The following CTSA variants were observed in gnomAD, a reference collection of about 807,000 sequenced individuals.
CTSA encodes the protein cathepsin A.
Under a neutral mutation model 66.7 loss-of-function variants are expected in CTSA, and 42 were observed. The ratio of observed to expected loss-of-function variants is 0.63; its 90% confidence interval spans 0.49 to 0.81. The LOEUF (loss-of-function observed/expected upper bound fraction) is 0.81. Ranked by LOEUF, CTSA falls within the 40% of genes least tolerant of loss-of-function variation. The pLI is 0.00. For missense variants in CTSA, 525 were observed against 610.9 expected (o/e 0.86, Z 1.48); for synonymous variants, 225 against 248.6 (o/e 0.91, Z 0.89).
chr20:45,893,253 G>A lies in CTSA; in HGVS notation c.634G>A (p.Glu212Lys). The change falls in exon 7 of 15, where the codon GAG becomes AAG. Residue 212 changes from glutamate (E) to lysine (K), a missense_variant. By Grantham distance (56) the Glu-to-Lys change is moderately conservative (BLOSUM62 1). Around this residue, in one of 3 missense-constraint regions of CTSA, gnomAD observed 246 missense variants for 267.4 expected, o/e 0.92. Transcript: ENST00000646241. Reference protein sequence around the residue: ...LAVGNGLSSYEQNDNSLVYFA... With the variant: ...LAVGNGLSSYKQNDNSLVYFA... ...TGTGGGCAATGGACTCTCCTCCTATGAGCAGAATGACAACTCCCTGGTCTA... is the reference window on the plus strand; with the variant it reads ...TGTGGGCAATGGACTCTCCTCCTATAAGCAGAATGACAACTCCCTGGTCTA... The A allele has an allele frequency of 6.2e-7, 1 of 1,614,148 alleles. No homozygotes were observed. Among genetic ancestry groups the A allele is most frequent in the South Asian group, 1.1e-5 (1 of 91,078 alleles).
rs989584126 is a variant in CTSA, at chr20:45,891,737, T to G, written c.169T>G (p.Ser57Ala). ...CCAGTACTCCGGCTACCTCAAAGGC[T>G]CCGGCTCCAAGCACCTCCACTACTG... ...FRQYSGYLKG[S>A]GSKHLHYWFV... The change falls in exon 2 of 15, where the codon TCC (serine) becomes GCC (alanine). Residue 57 changes from serine to alanine, a missense_variant. Physicochemically the swap from Ser to Ala is moderately conservative, Grantham distance 99. Transcript: ENST00000646241. The surrounding 1 kb of genome is among the most constrained non-coding windows in gnomAD (Gnocchi z 4.6). 2 of 1,613,592 alleles carry G rather than the reference T, an allele frequency of 1.2e-6. No homozygotes were observed. Among genetic ancestry groups the G allele is most frequent in the Admixed American group, 1.7e-5 (1 of 60,004 alleles).
At chr20:45,894,626 T>C in intron 8 of CTSA, 24 bp from the exon 9 acceptor site, 1 of 1,605,108 alleles carries the variant, frequency 6.2e-7, no homozygotes, top group South Asian at 1.1e-5. Context: ...CTGTAAAGCA[T>C]GGTGGCTTGG....
rs79143634 is a variant in CTSA, at chr20:45,898,192, T to C, written c.1359+83T>C. ...CCGTCCTTTCCCTCTGGCTGCCTTT[T>C]AGGCTGGGTCATGGGTCACCATCTG... On this transcript the variant is annotated intron_variant, in intron 14 of 14. Transcript: ENST00000646241. The surrounding 1 kb of genome is among the most constrained non-coding windows in gnomAD (Gnocchi z 4.6). 3.6e-5 allele frequency: 54 copies of C among 1,485,386 alleles called. No homozygotes were observed. In the East Asian group the frequency reaches 1.2e-3, roughly 34 times the overall value. The allele number at this position is 1,485,386 out of a possible 1,614,324, so 92.0% of individuals were successfully genotyped here.
rs778826317 is a variant in CTSA at position 45,898,110 on chromosome 20, G to A, written c.1359+1G>A. The A allele has an allele frequency of 6.2e-7, 1 of 1,613,598 alleles. No individual in the cohort carries two copies. The highest frequency in any genetic ancestry group is 1.1e-5 in the South Asian group (1 of 91,074). On this transcript the variant is annotated splice_donor_variant, in intron 14 of 14. Transcript: ENST00000646241. LOFTEE classifies it high-confidence loss of function. This position sits in a 1 kb window ranked among gnomAD's most constrained non-coding sequence, Gnocchi z 4.6. ...CCACATCGCCTTTCTCACGATCAAG[G>A]TAGGGACTGGGCCTGCTGAGAGATA...
At chr20:45,895,240 G>A in intron 11 of CTSA, 107 bp downstream of exon 11, 1 of 1,320,362 alleles carries the variant, frequency 7.6e-7, no homozygotes, top group Non-Finnish European at 1.1e-6. Context: ...AATGAGATGA[G>A]CTGTAGAGGA....
intron 5 of CTSA, 78 bp from the exon 6 acceptor site, chr20:45,892,647 T>A: frequency 6.3e-7 from 1 of 1,590,834 alleles, no homozygotes; most frequent in Non-Finnish European, 8.6e-7. Context: ...GGTGGGTTAA[T>A]GTCATTATCT....
chr20:45,891,759 A>G lies in CTSA; in HGVS notation c.191A>G (p.Tyr64Cys), dbSNP rs201198067. Residue 64 changes from tyrosine (Y) to cysteine (C), a missense_variant, in exon 2 of 15, where the codon TAC (tyrosine) becomes TGC (cysteine). Around this residue, in one of 3 missense-constraint regions of CTSA, gnomAD observed 246 missense variants for 267.4 expected, o/e 0.92. Transcript: ENST00000646241. This position sits in a 1 kb window ranked among gnomAD's most constrained non-coding sequence, Gnocchi z 4.6. ...LKGSGSKHLH[Y>C]WFVESQKDPE... ...GGCTCCGGCTCCAAGCACCTCCACT[A>G]CTGGTCTGCCGCCCTGCCTTCTGGG... The G allele has an allele frequency of 1.2e-5, 20 of 1,613,512 alleles. No homozygotes were observed. The highest frequency in any genetic ancestry group is 1.7e-6 in the Non-Finnish European group (2 of 1,179,984).
chr20:45,896,403 C>T (rs1216314452), intron 11 of CTSA: 5 of 198,028 alleles, frequency 2.5e-5, no homozygotes, highest in African/African-American at 7.1e-5. Flanking sequence ...TCCCAGTCCT[C>T]GTAACAACCA....
At position 45,892,729 on chromosome 20, in the gene CTSA, C is replaced by T; in HGVS notation, c.449C>T (p.Ala150Val). 6.2e-7 allele frequency: 1 copy of T among 1,614,206 alleles called. No individual in the cohort carries two copies. Among genetic ancestry groups the T allele is most frequent in the Non-Finnish European group, 8.5e-7 (1 of 1,180,034 alleles). ...GTCTTGCTCTGCCATCCCCAGGTCG[C>T]CCAGAGCAATTTTGAGGCCCTTCAA... ...KFYATNDTEV[A>V]QSNFEALQDF... Residue 150 changes from alanine (A) to valine (V), a missense_variant, in exon 6 of 15, where the codon GCC becomes GTC. By Grantham distance (64) the Ala-to-Val change is moderately conservative. Coordinates refer to ENST00000646241, the MANE Select transcript of CTSA (RefSeq NM_000308.4).
At position 45,898,205 on chromosome 20, in the gene CTSA, G is replaced by A; in HGVS notation, c.1359+96G>A. ...CTGGCTGCCTTTTAGGCTGGGTCAT[G>A]GGTCACCATCTGGCCCCTGTATGGG... On this transcript the variant is annotated intron_variant, in intron 14 of 14. Coordinates refer to ENST00000646241, the MANE Select transcript of CTSA (RefSeq NM_000308.4). This position sits in a 1 kb window ranked among gnomAD's most constrained non-coding sequence, Gnocchi z 4.6. 7.0e-7 allele frequency: 1 copy of A among 1,427,882 alleles called. No homozygotes were observed. The highest frequency in any genetic ancestry group is 2.4e-5 in the East Asian group (1 of 42,154). The allele number at this position is 1,427,882 out of a possible 1,614,324, so 88.5% of individuals were successfully genotyped here. A position where few individuals can be genotyped will look rare whatever the true frequency, so the allele number is the denominator to read the frequency against.
At position 45,898,168 on chromosome 20, in the gene CTSA, C is replaced by G; in HGVS notation, c.1359+59C>G. 1 of 1,548,640 alleles carries G rather than the reference C, an allele frequency of 6.5e-7. No homozygotes were observed. Among genetic ancestry groups the G allele is most frequent in the Non-Finnish European group, 8.9e-7 (1 of 1,123,194 alleles). On this transcript the variant is annotated intron_variant, in intron 14 of 14. Coordinates refer to ENST00000646241, the MANE Select transcript of CTSA (RefSeq NM_000308.4). The surrounding 1 kb of genome is among the most constrained non-coding windows in gnomAD (Gnocchi z 4.6). ...CGGAGGCAAAGGAGCAGGACCCACC[C>G]GTCCTTTCCCTCTGGCTGCCTTTTA... is the stretch of plus-strand genomic sequence containing the variant.
At chr20:45,892,204 CT>C in intron 3 of CTSA, 68 bp from the exon 4 acceptor site, 1 of 1,554,252 alleles carries the variant, frequency 6.4e-7, no homozygotes, top group South Asian at 1.1e-5. Context: ...TAAAGTGCCT[CT>C]CATGGTGGCC....
At position 45,894,063 on chromosome 20, in the gene CTSA, C is replaced by T. The variant is rs767712946; in HGVS notation, c.768C>T (p.Cys256=). 16 of 1,607,800 alleles carry T rather than the reference C, an allele frequency of 1.0e-5. No individual in the cohort carries two copies. The highest frequency in any genetic ancestry group is 9.4e-5 in the African/African-American group (7 of 74,838). ...TCTATGACAACAAAGACCTGGAATG[C>T]GTGACCAATGTGAGGTTCTGCCATC... ...CNFYDNKDLE[C]VTNLQEVARI... Residue 256 remains cysteine, a synonymous_variant, in exon 8 of 15, where the codon TGC becomes TGT. Transcript: ENST00000646241.
In CTSA at chr20:45,898,215, C is replaced by T; in HGVS notation, c.1359+106C>T. 2.2e-6 allele frequency: 3 copies of T among 1,382,354 alleles called. No homozygotes were observed. The highest frequency in any genetic ancestry group is 2.0e-6 in the Non-Finnish European group (2 of 985,370). The allele number at this position is 1,382,354 out of a possible 1,614,324, so 85.6% of individuals were successfully genotyped here. A position where few individuals can be genotyped will look rare whatever the true frequency, so the allele number is the denominator to read the frequency against. ...TTTAGGCTGGGTCATGGGTCACCAT[C>T]TGGCCCCTGTATGGGCAAGTTTTTT... On this transcript the variant is annotated intron_variant, in intron 14 of 14. Transcript: ENST00000646241. This position sits in a 1 kb window ranked among gnomAD's most constrained non-coding sequence, Gnocchi z 4.6.
chr20:45,894,393 C>T (rs148928319), intron 8 of CTSA: 427 of 613,756 alleles, frequency 7.0e-4, no homozygotes, highest in African/African-American at 6.9e-3. Flanking sequence ...ATCATACTAC[C>T]CACATTTTCC....
chr20:45,892,087 G>A (rs2145814521), intron 3 of CTSA, 60 bp downstream of exon 3: 7 of 1,534,830 alleles, frequency 4.6e-6, no homozygotes, highest in South Asian at 2.2e-5. Context: ...GAAAGCGAGA[G>A]AGGGGCTTTG....
chr20:45,891,950 C>G lies in CTSA; in HGVS notation c.229C>G (p.Pro77Ala), dbSNP rs137868961. Residue 77 changes from proline (P) to alanine (A), a missense_variant, in exon 3 of 15, where the codon CCT (proline) becomes GCT (alanine). Transcript: ENST00000646241. This position sits in a 1 kb window ranked among gnomAD's most constrained non-coding sequence, Gnocchi z 4.6. ...VESQKDPENS[P>A]VVLWLNGGPG... is the part of the protein sequence containing the mutation. ...GTCCCAGAAGGATCCCGAGAACAGC[C>G]CTGTGGTGCTTTGGCTCAATGGGGG... 10 of 1,614,054 alleles carry G rather than the reference C, an allele frequency of 6.2e-6. No individual in the cohort carries two copies. Among genetic ancestry groups the G allele is most frequent in the African/African-American group, 1.3e-5 (1 of 74,918 alleles).
chr20:45,892,018 C>T lies in CTSA; in HGVS notation c.297C>T (p.Gly99=), dbSNP rs1986982788. ...SSLDGLLTEH[G]PFLVQPDGVT... ...TAGATGGGCTCCTCACAGAGCATGG[C>T]CCCTTCCTGGTGAGTGGACAGCAGG... is the stretch of plus-strand genomic sequence containing the variant. Residue 99 remains glycine (G), a synonymous_variant, in exon 3 of 15, where the codon GGC becomes GGT. Coordinates refer to ENST00000646241, the MANE Select transcript of CTSA (RefSeq NM_000308.4). 1 of 1,613,652 alleles carries T rather than the reference C, an allele frequency of 6.2e-7. No homozygotes were observed. The highest frequency in any genetic ancestry group is 8.5e-7 in the Non-Finnish European group (1 of 1,179,598).
chr20:45,892,058 C>T (rs772058445), intron 3 of CTSA, 31 bp downstream of exon 3: 1 of 1,587,310 alleles, frequency 6.3e-7, no homozygotes, highest in East Asian at 2.2e-5. Flanking sequence ...AAGCACAGTT[C>T]CCAAAGTAAA....
Sources: gnomAD v4.1 joint callset for allele counts on GRCh38, gnomAD v4.1.1 for gene constraint, gnomAD v4.1.1 regional missense constraint, Gnocchi (gnomAD v3.1) non-coding constraint, MANE v1.5 for transcripts, NCBI Gene and HGNC (gene_info 2026-07-23, HGNC 2026-07-21) for gene names.